Variants in SH3RF3 observed in about 807,000 individuals in gnomAD.
SH3RF3 encodes the protein SH3 domain containing ring finger 3.
Under a neutral mutation model 66.3 loss-of-function variants are expected in SH3RF3, and 29 were observed. The ratio of observed to expected loss-of-function variants is 0.44; its 90% CI spans 0.33 to 0.60. The LOEUF is 0.60. Among genes scored for constraint, SH3RF3 ranks in the 20% least tolerant of loss-of-function variants. The pLI, the probability that SH3RF3 is intolerant of heterozygous loss-of-function variation, is 0.04. For synonymous variants in SH3RF3, 583 were observed against 532.0 expected (o/e 1.10, Z -1.32); for missense variants, 1,194 against 1,190.9 (o/e 1.00, Z -0.04).
intron 8 of SH3RF3, among the ~76,000 whole-genome samples, chr2:109,488,042 A>G (rs1257586592): frequency 6.6e-6 from 1 of 152,218 alleles, no homozygotes; most frequent in Non-Finnish European, 1.5e-5. Context: ...CCTTTGGACA[A>G]CGCAAGGCCA....
intron 5 of SH3RF3, among the ~76,000 whole-genome samples, chr2:109,430,171 G>A (rs180769760): frequency 7.4e-4 from 113 of 152,356 alleles, no homozygotes; most frequent in African/African-American, 2.7e-3. Flanking sequence ...CTGTTGGTGC[G>A]GCCTGAGTTG....
At chr2:109,500,843 G>A (rs965968340) in intron 9 of SH3RF3, among the ~76,000 whole-genome samples, 3 of 152,070 alleles carry the variant, frequency 2.0e-5, no homozygotes, top group Non-Finnish European at 2.9e-5. Context: ...CCAGCTATTC[G>A]GGAGGCTGAG....
intron 1 of SH3RF3, among the ~76,000 whole-genome samples, chr2:109,254,142 G>C (rs1233370555): frequency 6.6e-6 from 1 of 152,138 alleles, no homozygotes; most frequent in African/African-American, 2.4e-5. Flanking sequence ...CCTCTAGCAA[G>C]GACTCTTAGA....
At chr2:109,368,910 C>G (rs751651238) in intron 2 of SH3RF3, among the ~76,000 whole-genome samples, 7 of 151,700 alleles carry the variant, frequency 4.6e-5, no homozygotes, top group African/African-American at 7.3e-5. Flanking sequence ...TTAGGCTGAT[C>G]TGAGCTGGGC....
chr2:109,394,026 G>T (rs577359681), intron 3 of SH3RF3, among the ~76,000 whole-genome samples: 126 of 152,288 alleles, frequency 8.3e-4, no homozygotes, highest in African/African-American at 2.7e-3. Flanking sequence ...TCCAGGAGCT[G>T]CGGGGAGAGA....
chr2:109,217,286 T>C (rs1385018563), intron 1 of SH3RF3, among the ~76,000 whole-genome samples: 1 of 152,192 alleles, frequency 6.6e-6, no homozygotes, highest in Non-Finnish European at 1.5e-5. Context: ...ATTATGGTTT[T>C]TCAAATACAG....
chr2:109,370,632 G>A (rs898609264), intron 2 of SH3RF3, among the ~76,000 whole-genome samples: 4 of 151,992 alleles, frequency 2.6e-5, no homozygotes, highest in South Asian at 2.1e-4. Flanking sequence ...TCTCTCCTCC[G>A]TCCTTTTCCT....
chr2:109,377,405 C>T (rs1683413267), intron 3 of SH3RF3, among the ~76,000 whole-genome samples: 1 of 152,210 alleles, frequency 6.6e-6, no homozygotes, highest in East Asian at 1.9e-4. Context: ...AAGGCCATAG[C>T]GTCAGTGGCT....
chr2:109,243,040 G>A (rs750108395), intron 1 of SH3RF3, among the ~76,000 whole-genome samples: 1 of 152,214 alleles, frequency 6.6e-6, no homozygotes, highest in Admixed American at 6.5e-5. Context: ...TTAGAGTGTC[G>A]TGATTTGTGA....
chr2:109,170,244 TTTCTCTTCTCTTCTCTTCTC>T (rs1206279912), intron 1 of SH3RF3, among the ~76,000 whole-genome samples: 920 of 32,890 alleles, frequency 0.028, 14 homozygotes, highest in African/African-American at 0.055. Context: ...CTTCTTTTCT[TTTCTCTTCTCTTCTCTTCTC>T]TTCTCTTCTC....
intron 2 of SH3RF3, among the ~76,000 whole-genome samples, chr2:109,367,810 T>A (rs1447049404): frequency 6.6e-6 from 1 of 152,172 alleles, no homozygotes. Flanking sequence ...TAGAATAGAG[T>A]TCCTAGGAGT....
chr2:109,206,232 T>G (rs1382168267), intron 1 of SH3RF3, among the ~76,000 whole-genome samples: 1 of 152,146 alleles, frequency 6.6e-6, no homozygotes, highest in African/African-American at 2.4e-5. Context: ...GGCTCACGCC[T>G]GTAATCCCAG....
intron 8 of SH3RF3, among the ~76,000 whole-genome samples, chr2:109,465,426 A>T (rs970764984): frequency 5.9e-5 from 9 of 152,198 alleles, no homozygotes; most frequent in Non-Finnish European, 2.9e-5. Context: ...AAGTGGCTGC[A>T]CCATTTTGCT....
chr2:109,480,306 C>T (rs1208869766), intron 8 of SH3RF3, among the ~76,000 whole-genome samples: 4 of 152,188 alleles, frequency 2.6e-5, no homozygotes, highest in Non-Finnish European at 2.9e-5. Flanking sequence ...CCCACAGCCA[C>T]CCTCTATGAC....
chr2:109,403,361 G>T (rs1206346799), intron 4 of SH3RF3, among the ~76,000 whole-genome samples: 1 of 152,186 alleles, frequency 6.6e-6, no homozygotes, highest in East Asian at 1.9e-4. Flanking sequence ...TTCCCCGACT[G>T]TGTGGCCCAC....
At chr2:109,162,004 T>C (rs1677501579) in intron 1 of SH3RF3, among the ~76,000 whole-genome samples, 1 of 152,122 alleles carries the variant, frequency 6.6e-6, no homozygotes, top group Non-Finnish European at 1.5e-5. Flanking sequence ...TGTCAGAAAG[T>C]ACTTCCCCTC....
intron 3 of SH3RF3, among the ~76,000 whole-genome samples, chr2:109,372,905 A>G (rs1251542809): frequency 2.6e-5 from 4 of 152,232 alleles, no homozygotes; most frequent in Non-Finnish European, 5.9e-5. Flanking sequence ...GTTTGTTTAA[A>G]ACATCTGTCA....
At chr2:109,255,399 T>C (rs1680199412) in intron 1 of SH3RF3, among the ~76,000 whole-genome samples, 1 of 152,158 alleles carries the variant, frequency 6.6e-6, no homozygotes, top group Non-Finnish European at 1.5e-5. Flanking sequence ...CCAGGGAATG[T>C]CTGGGTTGTT....
At chr2:109,493,558 A>T (rs1679184926) in intron 9 of SH3RF3, among the ~76,000 whole-genome samples, 2 of 150,194 alleles carry the variant, frequency 1.3e-5, no homozygotes, top group African/African-American at 2.5e-5. Context: ...ATACACATAC[A>T]TACCATACAC....
Sources: allele counts gnomAD v4.1 joint callset (sites outside exome capture counted in the v4.1 genomes callset), GRCh38; gene constraint gnomAD v4.1.1; transcripts MANE v1.5; gene names NCBI Gene and HGNC (gene_info 2026-07-23, HGNC 2026-07-21).